Variants in DLGAP2 observed in about 807,000 individuals in gnomAD.
DLGAP2 encodes DLG associated protein 2, also known as disks large-associated protein 2.
A neutral mutation model predicts 100.3 loss-of-function variants in DLGAP2; 26 were observed. The ratio of observed to expected loss-of-function variants is 0.26; its 90% CI spans 0.19 to 0.36. The LOEUF (loss-of-function observed/expected upper bound fraction) is 0.36. Ranked by LOEUF, DLGAP2 falls within the 10% of genes least tolerant of loss-of-function variation. The pLI is 1.00. For missense variants in DLGAP2, 1,858 were observed against 1,453.2 expected, an observed-to-expected ratio of 1.28 and a Z score of -4.53; for synonymous variants, 886 against 630.1, an observed-to-expected ratio of 1.41 and a Z score of -6.08.
chr8:1,565,894 CGTAA>C lies in DLGAP2; in HGVS notation c.1442+3_1442+6del. The stretch of plus-strand genomic sequence containing the variant: ...CAGAGACCGCTTGGAGAGCACCAGA[CGTAA>C]GTGAGACCAGCTGCCTTCCCACTCC... On this transcript the variant is annotated splice_donor_variant and splice_donor_region_variant and intron_variant, in intron 6 of 14. Transcript: ENST00000637795. LOFTEE classifies it high-confidence loss of function. 6.3e-7 allele frequency: 1 copy of C among 1,597,090 alleles called. No homozygotes were observed. The highest frequency in any genetic ancestry group is 2.3e-5 in the East Asian group (1 of 43,890).
rs1161783861 is a variant in DLGAP2, at chr8:1,703,362, A to C, written c.*1956A>C. ...GAATCCTATTTCCCCAGAGTGTTCAAGGCATTTTTCTACCTAAATGAATAC... is the reference window on the plus strand; with the variant it reads ...GAATCCTATTTCCCCAGAGTGTTCACGGCATTTTTCTACCTAAATGAATAC... On this transcript the variant is annotated 3_prime_UTR_variant, in exon 15 of 15. Transcript: ENST00000637795. The C allele has an allele frequency of 6.6e-6, 1 of 152,612 alleles. No homozygotes were observed. Among genetic ancestry groups the C allele is most frequent in the African/African-American group, 2.4e-5 (1 of 41,444 alleles). The allele number at this position is 152,612 out of a possible 1,614,324, so 9.5% of individuals were successfully genotyped here. A position where few individuals can be genotyped will look rare whatever the true frequency, so the allele number is the denominator to read the frequency against.
intron 2 of DLGAP2, among the ~76,000 whole-genome samples, chr8:1,097,983 T>C (rs976355168): frequency 5.9e-5 from 9 of 152,286 alleles, no homozygotes; most frequent in African/African-American, 2.2e-4. Context: ...GCTTAGAGGT[T>C]TGTATGAACC....
chr8:1,268,144 C>G (rs147028422), intron 3 of DLGAP2, among the ~76,000 whole-genome samples: 12 of 152,228 alleles, frequency 7.9e-5, no homozygotes, highest in Admixed American at 2.0e-4. Context: ...GAAATAATAT[C>G]CAATATCAGA....
chr8:964,377 G>C (rs1442324897), intron 2 of DLGAP2, among the ~76,000 whole-genome samples: 1 of 152,242 alleles, frequency 6.6e-6, no homozygotes, highest in Non-Finnish European at 1.5e-5. Flanking sequence ...GTTGTCACTT[G>C]CTGTCCTGCG....
intron 2 of DLGAP2, among the ~76,000 whole-genome samples, chr8:1,255,483 T>G (rs1350105387): frequency 2.2e-5 from 3 of 136,242 alleles, no homozygotes; most frequent in African/African-American, 8.7e-5. Flanking sequence ...GCTGTGTGTG[T>G]GTGTCCTCAT....
chr8:1,443,140 T>C (rs893849499), intron 3 of DLGAP2, among the ~76,000 whole-genome samples: 6 of 152,330 alleles, frequency 3.9e-5, no homozygotes, highest in Middle Eastern at 3.4e-3. Context: ...TTTTATGTTA[T>C]GAAAGTCATA....
chr8:914,785 A>G (rs1798556568), intron 2 of DLGAP2, among the ~76,000 whole-genome samples: 2 of 152,238 alleles, frequency 1.3e-5, no homozygotes, highest in Non-Finnish European at 2.9e-5. Flanking sequence ...CTGTGCTGAG[A>G]GGGTTCATGA....
In DLGAP2 at chr8:1,548,786, C is replaced by G; in HGVS notation, c.333C>G (p.His111Gln). The G allele has an allele frequency of 2.5e-6, 4 of 1,589,952 alleles. No homozygotes were observed. In the South Asian group the frequency reaches 3.4e-5, roughly 13 times the overall value. The change falls in exon 5 of 15, where the codon CAC becomes CAG. Residue 111 changes from histidine (H) to glutamine (Q), a missense_variant. Physicochemically the swap from His to Gln is conservative, Grantham distance 24. Transcript: ENST00000637795. The stretch of plus-strand genomic sequence containing the variant: ...CCCCGGAGGACTGCGAGCACCTGCA[C>G]CACGGGCCCGACGCGCGGCCGCCCT... The part of the protein sequence containing the change: ...LAPPEDCEHL[H>Q]HGPDARPPYL...
chr8:1,456,147 C>T (rs1412581409), intron 3 of DLGAP2, among the ~76,000 whole-genome samples: 1 of 152,098 alleles, frequency 6.6e-6, no homozygotes, highest in Non-Finnish European at 1.5e-5. Context: ...GAGTTCATGC[C>T]GGTTTTTGAG....
intron 4 of DLGAP2, among the ~76,000 whole-genome samples, chr8:1,518,643 C>G (rs897724938): frequency 1.3e-4 from 20 of 152,142 alleles, no homozygotes; most frequent in African/African-American, 4.6e-4. Context: ...GAGCTCAAGT[C>G]ATATAAATTT....
At chr8:1,263,473 A>C (rs1318837068) in intron 3 of DLGAP2, among the ~76,000 whole-genome samples, 1 of 152,174 alleles carries the variant, frequency 6.6e-6, no homozygotes. Context: ...AACTAGGAGG[A>C]ACCCAGGCCA....
chr8:807,927 G>A (rs1197290997), intron 1 of DLGAP2, among the ~76,000 whole-genome samples: 1 of 152,202 alleles, frequency 6.6e-6, no homozygotes, highest in Non-Finnish European at 1.5e-5. Context: ...GGGGAGCTAA[G>A]AACCGGGTCT....
rs1797987362 is a variant in DLGAP2, at chr8:1,206,276, G to A, written c.74-52575G>A. 1.3e-5 allele frequency among the ~76,000 whole-genome samples: 2 copies of A among 151,994 alleles called. 1 individual carries two copies. Among genetic ancestry groups the A allele is most frequent in the South Asian group, 4.1e-4 (2 of 4,820 alleles). Reference sequence around the variant, plus strand: ...CACTCCTGCAGCTCCAGCCATCCATGGGCTGGGGTAGACTGTGAGCGGTTA... The same window carrying A: ...CACTCCTGCAGCTCCAGCCATCCATAGGCTGGGGTAGACTGTGAGCGGTTA... On this transcript the variant is annotated intron_variant, in intron 2 of 14. Transcript: ENST00000637795.
intron 3 of DLGAP2, among the ~76,000 whole-genome samples, chr8:1,499,079 G>C (rs1395230912): frequency 6.6e-6 from 1 of 152,202 alleles, no homozygotes; most frequent in Non-Finnish European, 1.5e-5. Context: ...TTGTACTCCT[G>C]CAATTCAAGG....
In DLGAP2 at chr8:1,548,701, G is replaced by T; in HGVS notation, c.248G>T (p.Gly83Val). The change falls in exon 5 of 15, where the codon GGC (glycine) becomes GTC (valine). Residue 83 changes from glycine to valine, a missense_variant. Gly to Val is a moderately radical substitution (Grantham distance 109, BLOSUM62 -3). Transcript: ENST00000637795. Reference sequence around the variant, plus strand: ...TCGCCCGCGCCCAGGAGCATGAAGGGCCTTTCCGGAAGTCGGACCCAGCCG... The same window carrying T: ...TCGCCCGCGCCCAGGAGCATGAAGGTCCTTTCCGGAAGTCGGACCCAGCCG... ...RYSPAPRSMKGLSGSRTQPPL... is the reference protein window; with the variant it reads ...RYSPAPRSMKVLSGSRTQPPL... The T allele has an allele frequency of 6.2e-7, 1 of 1,607,228 alleles. No individual in the cohort carries two copies. The highest frequency in any genetic ancestry group is 8.5e-7 in the Non-Finnish European group (1 of 1,178,138).
intron 3 of DLGAP2, among the ~76,000 whole-genome samples, chr8:1,436,547 C>A (rs193222279): frequency 2.6e-5 from 4 of 152,298 alleles, no homozygotes; most frequent in African/African-American, 7.2e-5. Flanking sequence ...TACTTTGCAT[C>A]CTTCAATCCA....
intron 3 of DLGAP2, among the ~76,000 whole-genome samples, chr8:1,454,629 A>T (rs551924812): frequency 6.6e-6 from 1 of 152,156 alleles, no homozygotes; most frequent in Non-Finnish European, 1.5e-5. Flanking sequence ...TCCGAGCTCC[A>T]TTCCAGGGGC....
chr8:1,315,548 G>A (rs71516167), intron 3 of DLGAP2, among the ~76,000 whole-genome samples: 266 of 134,032 alleles, frequency 2.0e-3, no homozygotes, highest in East Asian at 0.019. Flanking sequence ...CGAGAAACTC[G>A]GCAGCGTTTA....
chr8:1,497,313 G>C (rs574879881), intron 3 of DLGAP2, among the ~76,000 whole-genome samples: 6 of 152,314 alleles, frequency 3.9e-5, no homozygotes, highest in Admixed American at 1.3e-4. Context: ...ATGGGATAGC[G>C]TCCAGCCTCT....
Sources: allele counts gnomAD v4.1 joint callset (sites outside exome capture counted in the v4.1 genomes callset), GRCh38; gene constraint gnomAD v4.1.1; transcripts MANE v1.5; gene names NCBI Gene and HGNC (gene_info 2026-07-23, HGNC 2026-07-21).